The following PXDNL variants were observed in gnomAD, a reference collection of about 807,000 sequenced individuals.
PXDNL encodes the protein probable oxidoreductase PXDNL.
In PXDNL, 145 loss-of-function variants were observed where a neutral mutation model predicts 150.8. The observed-to-expected ratio is 0.96, with a 90% confidence interval of 0.84 to 1.10. The LOEUF is 1.10. Ranked by LOEUF, PXDNL falls within the 50% of genes least tolerant of loss-of-function variation. PXDNL has a pLI of 0.00. For synonymous variants in PXDNL, 757 were observed against 725.7 expected, an observed-to-expected ratio of 1.04 and a Z score of -0.69; for missense variants, 2,087 against 1,873.9, an observed-to-expected ratio of 1.11 and a Z score of -2.10.
chr8:51,411,478 G>T, intron 15 of PXDNL, 71 bp from the exon 16 acceptor site: 1 of 1,366,128 alleles, frequency 7.3e-7, no homozygotes, highest in Non-Finnish European at 9.6e-7. Flanking sequence ...CAAATACTGT[G>T]CATTTAAAAA....
At chr8:51,728,974 T>C (rs1816869605) in intron 1 of PXDNL, among the ~76,000 whole-genome samples, 1 of 152,182 alleles carries the variant, frequency 6.6e-6, no homozygotes, top group Non-Finnish European at 1.5e-5. Context: ...TTGCCTTTTA[T>C]ATGGTATTTT....
At chr8:51,506,687 A>G (rs118023786) in intron 4 of PXDNL, among the ~76,000 whole-genome samples, 110 of 152,134 alleles carry the variant, frequency 7.2e-4, no homozygotes, top group Non-Finnish European at 1.4e-3. Flanking sequence ...ACTAATAGCT[A>G]TAAATGTTCC....
chr8:51,518,731 G>C (rs1227215473), intron 4 of PXDNL, among the ~76,000 whole-genome samples: 1 of 152,216 alleles, frequency 6.6e-6, no homozygotes, highest in Non-Finnish European at 1.5e-5. Flanking sequence ...GAGAGAATCT[G>C]ATTTCATCAC....
At chr8:51,711,472 T>G (rs986973823) in intron 1 of PXDNL, among the ~76,000 whole-genome samples, 1 of 152,220 alleles carries the variant, frequency 6.6e-6, no homozygotes, top group Admixed American at 6.5e-5. Context: ...TGTATTGTGA[T>G]TGTTTGCTTC....
chr8:51,398,114 G>A (rs1368090997), intron 17 of PXDNL, among the ~76,000 whole-genome samples: 2 of 152,214 alleles, frequency 1.3e-5, no homozygotes, highest in Non-Finnish European at 2.9e-5. Flanking sequence ...ACATGTGTGA[G>A]CCCACAGCTT....
intron 1 of PXDNL, among the ~76,000 whole-genome samples, chr8:51,699,048 T>C (rs1413951440): frequency 1.3e-5 from 2 of 152,106 alleles, no homozygotes; most frequent in African/African-American, 4.8e-5. Flanking sequence ...ACAGGCAGAG[T>C]ACATTTAACA....
chr8:51,324,517 G>A (rs1805425617), intron 21 of PXDNL, among the ~76,000 whole-genome samples: 1 of 152,136 alleles, frequency 6.6e-6, no homozygotes, highest in African/African-American at 2.4e-5. Flanking sequence ...CTTTGGAATT[G>A]TCCTTCCCTT....
chr8:51,426,605 C>G (rs1484559831), intron 13 of PXDNL, 41 bp downstream of exon 13: 1 of 1,131,494 alleles, frequency 8.8e-7, no homozygotes, highest in Middle Eastern at 1.9e-4. Flanking sequence ...ATACATCTGT[C>G]AGTGTTTTTA....
intron 17 of PXDNL, among the ~76,000 whole-genome samples, chr8:51,378,599 G>C (rs187051325): frequency 6.6e-6 from 1 of 152,314 alleles, no homozygotes; most frequent in East Asian, 1.9e-4. Context: ...GTTCTTTTGC[G>C]CTTTGCAATA....
At chr8:51,407,787 A>C (rs557171700) in intron 17 of PXDNL, among the ~76,000 whole-genome samples, 2 of 152,308 alleles carry the variant, frequency 1.3e-5, no homozygotes, top group South Asian at 4.1e-4. Context: ...CAGAACACGA[A>C]TGGGCTAGAT....
intron 1 of PXDNL, among the ~76,000 whole-genome samples, chr8:51,760,178 C>T (rs1257045693): frequency 6.6e-6 from 1 of 152,152 alleles, no homozygotes; most frequent in African/African-American, 2.4e-5. Flanking sequence ...TCATTCTTAA[C>T]AAGTTTAAAG....
intron 19 of PXDNL, among the ~76,000 whole-genome samples, chr8:51,353,942 C>T (rs1180696479): frequency 1.3e-5 from 2 of 151,978 alleles, no homozygotes; most frequent in African/African-American, 2.4e-5. Flanking sequence ...TATGTATGGC[C>T]CTTGTTAATG....
intron 3 of PXDNL, among the ~76,000 whole-genome samples, chr8:51,560,135 T>C (rs80336521): frequency 0.024 from 3,711 of 152,110 alleles, 78 homozygotes; most frequent in African/African-American, 0.055. Context: ...CACTGAAAGA[T>C]ACAAAACATT....
Position 51,717,749 on chromosome 8 carries a change from C to A in PXDNL, c.165-62989G>T, listed in dbSNP as rs146544879. On this transcript the variant is annotated intron_variant, in intron 1 of 22. Transcript: ENST00000356297. ...GCCAGGATAGGCCTCATTGGCCCAA[C>A]CTTTCTGGCCTCTGCAGCAGCAGGA... Among the ~76,000 whole-genome samples the A allele has an allele frequency of 6.2e-4, 95 of 152,296 alleles. No individual in the cohort carries two copies. In the East Asian group the frequency reaches 0.016, roughly 26 times the overall value.
At chr8:51,618,420 A>G (rs1814174223) in intron 2 of PXDNL, among the ~76,000 whole-genome samples, 1 of 152,236 alleles carries the variant, frequency 6.6e-6, no homozygotes, top group Admixed American at 6.5e-5. Flanking sequence ...GGAACCAGGC[A>G]TCATGGAAAT....
intron 17 of PXDNL, among the ~76,000 whole-genome samples, chr8:51,403,088 C>CAAA (rs201970177): frequency 1.9e-5 from 1 of 52,872 alleles, no homozygotes; most frequent in Non-Finnish European, 3.9e-5. Flanking sequence ...ACTCCCTCTC[C>CAAA]AAAAAAAAAA....
intron 1 of PXDNL, among the ~76,000 whole-genome samples, chr8:51,708,083 A>C (rs1318931035): frequency 2.0e-5 from 3 of 152,260 alleles, no homozygotes; most frequent in Non-Finnish European, 4.4e-5. Flanking sequence ...TTAAATCAAT[A>C]AATATTTCTA....
chr8:51,360,171 A>G (rs1806674872), intron 19 of PXDNL, among the ~76,000 whole-genome samples: 1 of 152,158 alleles, frequency 6.6e-6, no homozygotes, highest in African/African-American at 2.4e-5. Context: ...ATGCATGTAT[A>G]CAACCATTCA....
intron 3 of PXDNL, among the ~76,000 whole-genome samples, chr8:51,577,321 A>T (rs1319097682): frequency 6.6e-6 from 1 of 151,640 alleles, no homozygotes; most frequent in African/African-American, 2.4e-5. Context: ...GTATTTCAGG[A>T]ATACAAAAGT....
Sources: allele counts gnomAD v4.1 joint callset (sites outside exome capture counted in the v4.1 genomes callset), GRCh38; gene constraint gnomAD v4.1.1; transcripts MANE v1.5; gene names NCBI Gene and HGNC (gene_info 2026-07-23, HGNC 2026-07-21).